Variants in VKORC1L1 observed in about 807,000 individuals in gnomAD.
VKORC1L1 encodes the protein vitamin K epoxide reductase complex subunit 1-like protein 1.
A neutral mutation model predicts 18.9 loss-of-function variants in VKORC1L1; 2 were observed. The ratio of observed to expected loss-of-function variants is 0.11; its 90% CI spans 0.04 to 0.33. The LOEUF (loss-of-function observed/expected upper bound fraction) is 0.33. VKORC1L1 is among the 10% of genes least tolerant of loss of function. The pLI is 1.00. For missense variants in VKORC1L1, 123 were observed against 224.1 expected (o/e 0.55, Z 2.88); for synonymous variants, 96 against 100.0 (o/e 0.96, Z 0.24).
At position 65,945,304 on chromosome 7, in the gene VKORC1L1, G is replaced by A. The variant is rs540830542; in HGVS notation, c.195-3367G>A. 2.0e-5 allele frequency among the ~76,000 whole-genome samples: 3 copies of A among 151,442 alleles called. No homozygotes were observed. In the South Asian group the frequency reaches 6.2e-4, roughly 32 times the overall value. On this transcript the variant is annotated intron_variant, in intron 1 of 2. Coordinates refer to ENST00000360768, the MANE Select transcript of VKORC1L1 (RefSeq NM_173517.6). Reference sequence around the variant, plus strand: ...CAATGTAAACATATTATTTAGAAATGTGGAAGTAAATAAGAGTGAAAACAG... The same window carrying A: ...CAATGTAAACATATTATTTAGAAATATGGAAGTAAATAAGAGTGAAAACAG...
chr7:65,921,622 G>A (rs1789676818), intron 1 of VKORC1L1, among the ~76,000 whole-genome samples: 1 of 152,172 alleles, frequency 6.6e-6, no homozygotes, highest in South Asian at 2.1e-4. Flanking sequence ...GCCAAGATAA[G>A]TGGATCATGA....
intron 1 of VKORC1L1, among the ~76,000 whole-genome samples, chr7:65,898,903 T>C (rs997457181): frequency 3.3e-5 from 5 of 152,178 alleles, no homozygotes; most frequent in African/African-American, 1.2e-4. Flanking sequence ...CTCATGCAAG[T>C]GGAATCATAT....
chr7:65,885,461 T>G (rs1383012143), intron 1 of VKORC1L1, among the ~76,000 whole-genome samples: 2 of 146,544 alleles, frequency 1.4e-5, no homozygotes, highest in East Asian at 3.9e-4. Context: ...TTTATAGTTG[T>G]TTTTTTTTTC....
At chr7:65,940,736 T>C (rs1308000432) in intron 1 of VKORC1L1, among the ~76,000 whole-genome samples, 1 of 152,148 alleles carries the variant, frequency 6.6e-6, no homozygotes, top group Non-Finnish European at 1.5e-5. Context: ...AATAGTGACA[T>C]AGAAAACTAA....
At chr7:65,879,062 G>A (rs1191535948) in intron 1 of VKORC1L1, among the ~76,000 whole-genome samples, 3 of 152,076 alleles carry the variant, frequency 2.0e-5, no homozygotes, top group African/African-American at 4.8e-5. Context: ...TTTCAGAGCC[G>A]TTTGACACAT....
In VKORC1L1 at chr7:65,956,329, C is replaced by T. The variant is rs1403765079; in HGVS notation, c.*2029C>T. On this transcript the variant is annotated 3_prime_UTR_variant, in exon 3 of 3. Transcript: ENST00000360768. ...GTTAAAACTGTGGTATACATGACAT[C>T]GGTTGTGCTAAACAAGTTCCTCGTG... 3 of 152,178 alleles carry T rather than the reference C, an allele frequency of 2.0e-5. No individual in the cohort carries two copies. The highest frequency in any genetic ancestry group is 6.5e-5 in the Admixed American group (1 of 15,270). The allele number at this position is 152,178 out of a possible 1,614,324, so 9.4% of individuals were successfully genotyped here.
chr7:65,946,990 A>T (rs28377437), intron 1 of VKORC1L1, among the ~76,000 whole-genome samples: 19,547 of 151,124 alleles, frequency 0.13, 1,418 homozygotes, highest in East Asian at 0.19. Flanking sequence ...CCAAAAAAAA[A>T]ATATATATAT....
At position 65,903,593 on chromosome 7, in the gene VKORC1L1, G is replaced by A. The variant is rs73370624; in HGVS notation, c.194+30028G>A. Among the ~76,000 whole-genome samples, 378 of 152,266 alleles carry A rather than the reference G, an allele frequency of 2.5e-3. 1 individual carries two copies. The highest frequency in any genetic ancestry group is 8.7e-3 in the African/African-American group (362 of 41,552). ...TTGAGATCAGCCTGGGTGACATGGC[G>A]AAAGCCTATCTCTACAAAGAATGCA... On this transcript the variant is annotated intron_variant, in intron 1 of 2. Transcript: ENST00000360768.
chr7:65,942,607 G>A (rs932763877), intron 1 of VKORC1L1, among the ~76,000 whole-genome samples: 7 of 151,214 alleles, frequency 4.6e-5, no homozygotes, highest in African/African-American at 9.7e-5. Context: ...GCGCAATCTC[G>A]GCTTGCGTCC....
At chr7:65,889,720 A>T (rs1462153168) in intron 1 of VKORC1L1, among the ~76,000 whole-genome samples, 1 of 150,002 alleles carries the variant, frequency 6.7e-6, no homozygotes, top group Non-Finnish European at 1.5e-5. Context: ...CCTGACTTTT[A>T]TGAGAATCAT....
chr7:65,917,370 T>C (rs1375965693), intron 1 of VKORC1L1, among the ~76,000 whole-genome samples: 1 of 152,212 alleles, frequency 6.6e-6, no homozygotes, highest in Admixed American at 6.5e-5. Context: ...GCTTTTTGCC[T>C]GCATAGGACA....
At chr7:65,921,863 A>AT (rs1319868274) in intron 1 of VKORC1L1, among the ~76,000 whole-genome samples, 1 of 147,330 alleles carries the variant, frequency 6.8e-6, no homozygotes, top group Admixed American at 6.8e-5. Flanking sequence ...AAAAAAAAAA[A>AT]TTTTTTTTAG....
intron 1 of VKORC1L1, among the ~76,000 whole-genome samples, chr7:65,899,129 G>A (rs565065097): frequency 2.6e-5 from 4 of 152,220 alleles, no homozygotes; most frequent in African/African-American, 7.2e-5. Context: ...TTAAATGCCA[G>A]TTTGGGCAGC....
chr7:65,946,981 C>CA lies in VKORC1L1; in HGVS notation c.195-1680dup, dbSNP rs753721656. On this transcript the variant is annotated intron_variant, in intron 1 of 2. Transcript: ENST00000360768. ...AAGCTGCAACTCTATAAAAAAATAC[C>CA]AAAAAAAAAATATATATATATAGCT... Among the ~76,000 whole-genome samples the CA allele has an allele frequency of 8.1e-3, 1,089 of 134,132 alleles. 17 individuals carry two copies. Among genetic ancestry groups the CA allele is most frequent in the African/African-American group, 0.022 (795 of 36,662 alleles). The allele number at this position is 134,132 out of a possible 152,430, so 88.0% of individuals were successfully genotyped here.
intron 1 of VKORC1L1, among the ~76,000 whole-genome samples, chr7:65,887,902 A>C (rs1197945162): frequency 1.3e-5 from 2 of 152,206 alleles, no homozygotes; most frequent in African/African-American, 4.8e-5. Flanking sequence ...GGACTGTACT[A>C]ATTTGCTGTT....
intron 1 of VKORC1L1, among the ~76,000 whole-genome samples, chr7:65,881,008 A>G (rs1377913361): frequency 1.3e-5 from 2 of 152,154 alleles, no homozygotes; most frequent in East Asian, 1.9e-4. Flanking sequence ...ATTTTGGACC[A>G]TTTCAGATTT....
At chr7:65,897,349 G>A (rs1458813523) in intron 1 of VKORC1L1, among the ~76,000 whole-genome samples, 1 of 152,196 alleles carries the variant, frequency 6.6e-6, no homozygotes, top group Non-Finnish European at 1.5e-5. Context: ...ATTGACTAAG[G>A]TGTAGGAAGA....
chr7:65,932,398 G>A (rs1789872844), intron 1 of VKORC1L1, among the ~76,000 whole-genome samples: 1 of 152,008 alleles, frequency 6.6e-6, no homozygotes, highest in African/African-American at 2.4e-5. Context: ...CACCTGGCCT[G>A]TTCTTTTTGT....
chr7:65,899,209 G>A (rs1373729692), intron 1 of VKORC1L1, among the ~76,000 whole-genome samples: 1 of 152,024 alleles, frequency 6.6e-6, no homozygotes, highest in African/African-American at 2.4e-5. Flanking sequence ...GTCATCTTTG[G>A]GTGCCACCCA....
Sources: allele counts gnomAD v4.1 joint callset (sites outside exome capture counted in the v4.1 genomes callset), GRCh38; gene constraint gnomAD v4.1.1; transcripts MANE v1.5; gene names NCBI Gene and HGNC (gene_info 2026-07-23, HGNC 2026-07-21).